DNAH3: variants seen among roughly 807,000 people sequenced by gnomAD.
DNAH3 encodes axonemal beta dynein heavy chain 3.
Under a neutral mutation model 432.5 loss-of-function variants are expected in DNAH3, and 332 were observed. The ratio of observed to expected loss-of-function variants is 0.77; its 90% CI spans 0.70 to 0.84. DNAH3 has a LOEUF of 0.84. Ranked by LOEUF, DNAH3 falls within the 40% of genes least tolerant of loss-of-function variation. The pLI is 0.00. For synonymous variants in DNAH3, 1,956 were observed against 1,900.2 expected (o/e 1.03, Z -0.76); for missense variants, 4,861 against 5,114.0 (o/e 0.95, Z 1.51).
At chr16:21,096,541 G>A (rs1156301407) in intron 18 of DNAH3, among the ~76,000 whole-genome samples, 2 of 151,946 alleles carry the variant, frequency 1.3e-5, no homozygotes, top group Non-Finnish European at 2.9e-5. Flanking sequence ...AATCCCACCC[G>A]CCAAATCTCT....
chr16:21,019,947 C>T, intron 40 of DNAH3, 78 bp from the exon 41 acceptor site: 1 of 1,553,248 alleles, frequency 6.4e-7, no homozygotes, highest in Non-Finnish European at 8.7e-7. Flanking sequence ...GTTGGCTTTG[C>T]CTTTGAAGGG....
chr16:21,090,698 T>G (rs147066844), intron 18 of DNAH3, among the ~76,000 whole-genome samples: 3 of 152,002 alleles, frequency 2.0e-5, no homozygotes, highest in African/African-American at 7.2e-5. Context: ...GTCAATTTCA[T>G]AGAAACAGAG....
exon 27 of DNAH3, chr16:21,058,099 T>C: frequency 6.2e-7 from 1 of 1,603,716 alleles, no homozygotes; most frequent in Non-Finnish European, 8.5e-7. Flanking sequence ...TAAGGTATTT[T>C]CCGCCAGGGC....
At chr16:20,970,863 CTT>C (rs869203073) in intron 51 of DNAH3, among the ~76,000 whole-genome samples, 91 of 124,024 alleles carry the variant, frequency 7.3e-4, no homozygotes, top group African/African-American at 1.3e-3. Context: ...TTTCTCTATT[CTT>C]TTTTTTTTTT....
intron 19 of DNAH3, 28 bp downstream of exon 19, chr16:21,086,821 T>C: frequency 6.2e-7 from 1 of 1,606,626 alleles, no homozygotes; most frequent in South Asian, 1.1e-5. Context: ...GCTGCGCTGC[T>C]TGGGGGCGGG....
chr16:21,062,845 T>A, intron 24 of DNAH3, 162 bp from the exon 25 acceptor site: 1 of 617,280 alleles, frequency 1.6e-6, no homozygotes, highest in South Asian at 2.0e-5. Context: ...ATCTGGGGCA[T>A]GGAAGGTGGA....
chr16:21,001,199 T>C (rs1320835079), intron 42 of DNAH3, among the ~76,000 whole-genome samples: 2 of 152,250 alleles, frequency 1.3e-5, no homozygotes, highest in Non-Finnish European at 2.9e-5. Context: ...CAGGTCCCAG[T>C]TGGACTCTTA....
intron 14 of DNAH3, among the ~76,000 whole-genome samples, chr16:21,107,195 C>T (rs2091967178): frequency 6.6e-6 from 1 of 150,736 alleles, no homozygotes; most frequent in African/African-American, 2.4e-5. Context: ...ACCAGCAATT[C>T]ATCACATTTT....
intron 27 of DNAH3, among the ~76,000 whole-genome samples, chr16:21,057,524 G>A (rs1449073514): frequency 2.0e-5 from 3 of 152,178 alleles, no homozygotes; most frequent in African/African-American, 7.2e-5. Context: ...TCATGGTCAC[G>A]CAGCTAACAA....
intron 15 of DNAH3, among the ~76,000 whole-genome samples, chr16:21,105,299 A>C (rs921034081): frequency 6.6e-6 from 1 of 152,200 alleles, no homozygotes; most frequent in Non-Finnish European, 1.5e-5. Flanking sequence ...TTTCAGATAG[A>C]AAATGGCTTG....
At chr16:21,117,602 C>G (rs1261741083) in intron 11 of DNAH3, among the ~76,000 whole-genome samples, 1 of 152,134 alleles carries the variant, frequency 6.6e-6, no homozygotes, top group Non-Finnish European at 1.5e-5. Context: ...TCCTGCTCAC[C>G]GCCCCACAAC....
chr16:21,081,397 C>A (rs1465632417), intron 20 of DNAH3, among the ~76,000 whole-genome samples: 1 of 151,348 alleles, frequency 6.6e-6, no homozygotes, highest in Non-Finnish European at 1.5e-5. Flanking sequence ...AAAAAAAAAC[C>A]CTTTGAAATA....
chr16:21,146,172 C>A, intron 1 of DNAH3, 84 bp from the exon 3 acceptor site: 1 of 868,780 alleles, frequency 1.2e-6, no homozygotes. Context: ...AAAGAGGTCC[C>A]CAGGAAAAGT....
intron 12 of DNAH3, among the ~76,000 whole-genome samples, chr16:21,114,364 T>C (rs1161277859): frequency 6.6e-6 from 1 of 152,210 alleles, no homozygotes; most frequent in East Asian, 1.9e-4. Context: ...CTGGACAGTT[T>C]CCCCAAAATT....
intron 53 of DNAH3, among the ~76,000 whole-genome samples, chr16:20,959,657 C>T (rs377220271): frequency 2.3e-5 from 3 of 132,150 alleles, no homozygotes; most frequent in Non-Finnish European, 5.0e-5. Flanking sequence ...ACACACACAC[C>T]CCAACACAAA....
chr16:21,095,282 C>G (rs2091644423), intron 18 of DNAH3, among the ~76,000 whole-genome samples: 1 of 152,144 alleles, frequency 6.6e-6, no homozygotes, highest in Non-Finnish European at 1.5e-5. Flanking sequence ...TACAGCATCT[C>G]TATTTATAAT....
intron 7 of DNAH3, among the ~76,000 whole-genome samples, chr16:21,131,456 AAAGGAAGG>A (rs146170477): frequency 8.2e-6 from 1 of 122,582 alleles, no homozygotes; most frequent in East Asian, 2.4e-4. Context: ...AGAAGGAAAG[AAAGGAAGG>A]AAGGAAGGAA....
At chr16:21,017,579 C>A (rs1453905388) in intron 41 of DNAH3, among the ~76,000 whole-genome samples, 1 of 152,168 alleles carries the variant, frequency 6.6e-6, no homozygotes, top group Non-Finnish European at 1.5e-5. Flanking sequence ...TGTCTCATAT[C>A]TCACTAAAAT....
chr16:20,937,929 T>A (rs2083656564), intron 59 of DNAH3, among the ~76,000 whole-genome samples: 1 of 152,158 alleles, frequency 6.6e-6, no homozygotes, highest in African/African-American at 2.4e-5. Context: ...ACCTTTATGT[T>A]ACGAGGCCCA....
Sources: allele counts gnomAD v4.1 joint callset (sites outside exome capture counted in the v4.1 genomes callset), GRCh38; gene constraint gnomAD v4.1.1; transcripts MANE v1.5; gene names NCBI Gene and HGNC (gene_info 2026-07-23, HGNC 2026-07-21).